RNGTT: variants seen among roughly 807,000 people sequenced by gnomAD.
RNGTT encodes RNA guanylyltransferase and 5'-phosphatase.
RNGTT carries 33 observed loss-of-function variants against 79.3 expected under a neutral mutation model. That is an observed-to-expected ratio of 0.42 (90% CI 0.32 to 0.56). RNGTT has a LOEUF of 0.56. Among genes scored for constraint, RNGTT ranks in the 20% least tolerant of loss-of-function variants. The pLI is 0.17. For synonymous variants in RNGTT, 222 were observed against 235.9 expected (o/e 0.94, Z 0.54); for missense variants, 497 against 739.1 (o/e 0.67, Z 3.80).
At chr6:88,660,822 C>A (rs1774155588) in intron 14 of RNGTT, among the ~76,000 whole-genome samples, 1 of 152,126 alleles carries the variant, frequency 6.6e-6, no homozygotes, top group African/African-American at 2.4e-5. Context: ...ATGGACTTAA[C>A]AGATATTTAC....
chr6:88,915,372 T>C (rs1783965993), intron 4 of RNGTT, among the ~76,000 whole-genome samples: 1 of 152,170 alleles, frequency 6.6e-6, no homozygotes, highest in Non-Finnish European at 1.5e-5. Context: ...AACCTAGGTG[T>C]CCATCAATGG....
chr6:88,909,949 T>C (rs1279955068), intron 4 of RNGTT, among the ~76,000 whole-genome samples: 1 of 148,116 alleles, frequency 6.8e-6, no homozygotes, highest in Non-Finnish European at 1.5e-5. Flanking sequence ...CATCAAACTC[T>C]CAAGGGAAAA....
At chr6:88,661,330 C>T (rs773748051) in intron 14 of RNGTT, among the ~76,000 whole-genome samples, 7 of 151,582 alleles carry the variant, frequency 4.6e-5, no homozygotes, top group African/African-American at 7.3e-5. Flanking sequence ...CAGAACTAAA[C>T]GAAATTGAAA....
chr6:88,926,206 A>G (rs1784313586), intron 4 of RNGTT, among the ~76,000 whole-genome samples: 1 of 152,212 alleles, frequency 6.6e-6, no homozygotes, highest in African/African-American at 2.4e-5. Context: ...TTGGTGAAAA[A>G]TCACACCTTT....
chr6:88,759,481 A>T (rs1778134386), intron 13 of RNGTT, among the ~76,000 whole-genome samples: 1 of 152,222 alleles, frequency 6.6e-6, no homozygotes, highest in East Asian at 1.9e-4. Flanking sequence ...GGACAGAGCT[A>T]GGAAATGAGT....
chr6:88,632,136 T>G (rs1234280090), intron 14 of RNGTT, among the ~76,000 whole-genome samples: 7 of 152,136 alleles, frequency 4.6e-5, no homozygotes, highest in Non-Finnish European at 1.0e-4. Context: ...AATTTTTGTA[T>G]TTTTTGTAGA....
chr6:88,794,427 A>C (rs765270511), intron 12 of RNGTT, among the ~76,000 whole-genome samples: 4 of 152,266 alleles, frequency 2.6e-5, no homozygotes, highest in Admixed American at 6.5e-5. Context: ...TAACATAAAA[A>C]ACTAGTCAAA....
At chr6:88,830,751 G>C (rs1321378848) in intron 11 of RNGTT, among the ~76,000 whole-genome samples, 26 of 152,034 alleles carry the variant, frequency 1.7e-4, no homozygotes, top group Non-Finnish European at 1.5e-5. Flanking sequence ...AATGAAAAAG[G>C]AGATATCACC....
chr6:88,912,887 C>G (rs1177970989), intron 4 of RNGTT, among the ~76,000 whole-genome samples: 1 of 151,972 alleles, frequency 6.6e-6, no homozygotes, highest in Non-Finnish European at 1.5e-5. Flanking sequence ...GAAATTGAAC[C>G]AGTTATAAAA....
rs993055193 is a variant in RNGTT, at chr6:88,633,186, G to A, written c.1507-18791C>T. On this transcript the variant is annotated intron_variant, in intron 14 of 15. Transcript: ENST00000369485. ...ACCCCCATTAGATGGTAAGCTCCTT[G>A]AGTGAACAAAACAAGTCATTTTGTT... Among the ~76,000 whole-genome samples the A allele has an allele frequency of 3.3e-5, 5 of 151,940 alleles. No individual in the cohort carries two copies. The East Asian group carries it at 5.8e-4, about 18-fold the overall frequency.
At chr6:88,643,210 GA>G (rs34497077) in intron 14 of RNGTT, among the ~76,000 whole-genome samples, 3 of 150,010 alleles carry the variant, frequency 2.0e-5, no homozygotes, top group South Asian at 2.1e-4. Context: ...GACCAGGTCT[GA>G]AAAAAAAAGG....
chr6:88,904,803 T>C lies in RNGTT; in HGVS notation c.596A>G (p.Asp199Gly). ...LPDWCFEDDE[D>G]EDEDEDGKKE... ...CTTTCCATCCTCATCCTCATCTTCG[T>C]CTTCATCATCCTCAAAACACCAATC... is the stretch of plus-strand genomic sequence containing the variant. Residue 199 changes from aspartate to glycine, a missense_variant, in exon 6 of 16, where the codon GAC becomes GGC. Asp to Gly is a moderately conservative substitution (Grantham distance 94, BLOSUM62 -1). Around this residue, in one of 3 missense-constraint regions of RNGTT, gnomAD observed 440 missense variants for 671.5 expected, o/e 0.66. Transcript: ENST00000369485. 6.2e-7 allele frequency: 1 copy of C among 1,614,136 alleles called. No individual in the cohort carries two copies. The highest frequency in any genetic ancestry group is 8.5e-7 in the Non-Finnish European group (1 of 1,180,026).
rs1020288177 is a variant in RNGTT, at chr6:88,761,939, C to T, written c.1439+7835G>A. ...TCTGTTTAAAGTAAGTGTCTGGTAA[C>T]CCCCTAGTGGTACGGATGTTCTTTC... On this transcript the variant is annotated intron_variant, in intron 13 of 15. Transcript: ENST00000369485. 5.5e-5 allele frequency among the ~76,000 whole-genome samples: 8 copies of T among 145,692 alleles called. No homozygotes were observed. The East Asian group carries it at 1.4e-3, about 25-fold the overall frequency.
At chr6:88,857,305 G>A (rs1037639287) in intron 8 of RNGTT, among the ~76,000 whole-genome samples, 2 of 152,078 alleles carry the variant, frequency 1.3e-5, no homozygotes, top group African/African-American at 2.4e-5. Flanking sequence ...TAAAATGGTC[G>A]TTAAACTCCT....
intron 14 of RNGTT, among the ~76,000 whole-genome samples, chr6:88,669,799 C>T (rs2127785902): frequency 6.6e-6 from 1 of 152,282 alleles, no homozygotes; most frequent in South Asian, 2.1e-4. Context: ...CTAGGCTTCC[C>T]TGTCTATGCT....
intron 13 of RNGTT, among the ~76,000 whole-genome samples, chr6:88,744,285 G>A (rs1777587054): frequency 6.6e-6 from 1 of 151,806 alleles, no homozygotes. Context: ...TTTTGAGACA[G>A]AGTTTTGCTC....
At chr6:88,905,409 T>G (rs905713035) in intron 5 of RNGTT, among the ~76,000 whole-genome samples, 4 of 152,210 alleles carry the variant, frequency 2.6e-5, no homozygotes, top group African/African-American at 9.6e-5. Flanking sequence ...CTGAGATCAT[T>G]GTGGAGAGCA....
chr6:88,820,025 A>G (rs1353540478), intron 11 of RNGTT, among the ~76,000 whole-genome samples: 1 of 152,156 alleles, frequency 6.6e-6, no homozygotes, highest in Non-Finnish European at 1.5e-5. Flanking sequence ...GAGATTGTAC[A>G]GAATCATATG....
intron 14 of RNGTT, among the ~76,000 whole-genome samples, chr6:88,641,897 CAGG>C (rs879557631): frequency 6.6e-5 from 10 of 152,136 alleles, no homozygotes; most frequent in South Asian, 4.1e-4. Context: ...TTTACGATCA[CAGG>C]AGAAGTATAT....
Sources: gnomAD v4.1 joint callset for allele counts (sites outside exome capture counted in the v4.1 genomes callset) on GRCh38, gnomAD v4.1.1 for gene constraint, gnomAD v4.1.1 regional missense constraint, MANE v1.5 for transcripts, NCBI Gene and HGNC (gene_info 2026-07-23, HGNC 2026-07-21) for gene names.